The following SCAF8 variants were observed in gnomAD, a reference collection of about 807,000 sequenced individuals.
SCAF8 encodes SR-related and CTD-associated factor 8.
SCAF8 carries 23 observed loss-of-function variants against 140.5 expected under a neutral mutation model. That is an observed-to-expected ratio of 0.16 (90% confidence interval 0.12 to 0.23). SCAF8 has a LOEUF of 0.23. Ranked by LOEUF, SCAF8 falls within the 10% of genes least tolerant of loss-of-function variation. SCAF8 has a pLI of 1.00. For synonymous variants in SCAF8, 575 were observed against 528.9 expected (o/e 1.09, Z -1.20); for missense variants, 1,397 against 1,555.7 (o/e 0.90, Z 1.72).
chr6:154,781,179 CTATACACCAACAA>C (rs1380453352), intron 3 of SCAF8, among the ~76,000 whole-genome samples: 2 of 152,056 alleles, frequency 1.3e-5, no homozygotes, highest in Admixed American at 1.3e-4. Flanking sequence ...ACAAGCATTC[CTATACACCAACAA>C]TATACACCAA....
intron 16 of SCAF8, among the ~76,000 whole-genome samples, chr6:154,823,094 A>G (rs1778466389): frequency 6.6e-6 from 1 of 152,198 alleles, no homozygotes; most frequent in African/African-American, 2.4e-5. Context: ...AGAGGCAACA[A>G]CCAGTGCAAA....
At chr6:154,791,986 G>T (rs1455933246) in intron 4 of SCAF8, among the ~76,000 whole-genome samples, 1 of 151,834 alleles carries the variant, frequency 6.6e-6, no homozygotes, top group East Asian at 1.9e-4. Flanking sequence ...CTTGCCAGTG[G>T]CAAGCAGGTT....
intron 12 of SCAF8, among the ~76,000 whole-genome samples, chr6:154,814,929 A>G (rs1208366256): frequency 1.3e-5 from 2 of 152,186 alleles, no homozygotes; most frequent in African/African-American, 4.8e-5. Flanking sequence ...CCTTAAGGAT[A>G]AGATGCTGTT....
intron 18 of SCAF8, among the ~76,000 whole-genome samples, chr6:154,828,583 T>C (rs554117772): frequency 2.0e-5 from 3 of 152,284 alleles, no homozygotes; most frequent in African/African-American, 7.2e-5. Flanking sequence ...GTTGCCTCCC[T>C]GTCACATTAG....
At position 154,756,242 on chromosome 6, in the gene SCAF8, AGTT is replaced by A. The variant is rs549831108; in HGVS notation, c.31-17746_31-17744del. ...ATAACAAAGATGCTCCGTCACCAAT[AGTT>A]AAGTTTAATACATATATTTTGAATT... On this transcript the variant is annotated intron_variant, in intron 1 of 19. Transcript: ENST00000367178. 1.2e-4 allele frequency among the ~76,000 whole-genome samples: 18 copies of A among 152,334 alleles called. No homozygotes were observed. The South Asian group carries it at 3.7e-3, about 32-fold the overall frequency.
chr6:154,807,461 A>G (rs1397949751), intron 9 of SCAF8, among the ~76,000 whole-genome samples: 1 of 151,838 alleles, frequency 6.6e-6, no homozygotes, highest in Non-Finnish European at 1.5e-5. Context: ...GCTCACTGCT[A>G]CCTCCGCCTC....
At chr6:154,734,047 T>C in intron 1 of SCAF8, 117 bp downstream of exon 1, 6 of 1,385,172 alleles carry the variant, frequency 4.3e-6, no homozygotes, top group Non-Finnish European at 5.6e-6. Flanking sequence ...GGGTGAGCGG[T>C]GGCCTAGCAG....
In SCAF8 at chr6:154,808,200, A is replaced by G. The variant is rs1453131654; in HGVS notation, c.1112A>G (p.Gln371Arg). Reference protein sequence around the residue: ...NLDDSIDIQQQDMDIDEGQDG... With the variant: ...NLDDSIDIQQRDMDIDEGQDG... Reference sequence around the variant, plus strand: ...GATGATTCCATAGATATTCAGCAACAGGTAAAAGTAAATGTTTTTCTGGGT... The same window carrying G: ...GATGATTCCATAGATATTCAGCAACGGGTAAAAGTAAATGTTTTTCTGGGT... Residue 371 changes from glutamine to arginine, a missense_variant and splice_region_variant, in exon 10 of 20, where the codon CAG becomes CGG. Gln to Arg is a conservative substitution (Grantham distance 43). Around this residue, in one of 5 missense-constraint regions of SCAF8, gnomAD observed 339 missense variants for 407.5 expected, o/e 0.83. Coordinates refer to ENST00000367178, the MANE Select transcript of SCAF8 (RefSeq NM_014892.5). 1 of 1,609,608 alleles carries G rather than the reference A, an allele frequency of 6.2e-7. No individual in the cohort carries two copies. Among genetic ancestry groups the G allele is most frequent in the Non-Finnish European group, 8.5e-7 (1 of 1,178,586 alleles).
chr6:154,758,709 C>G (rs566488130), intron 1 of SCAF8, among the ~76,000 whole-genome samples: 5 of 152,274 alleles, frequency 3.3e-5, no homozygotes, highest in Admixed American at 3.3e-4. Context: ...TCCCACCCCT[C>G]TTCTTTGGAT....
intron 1 of SCAF8, among the ~76,000 whole-genome samples, chr6:154,759,853 G>A (rs931066107): frequency 6.6e-6 from 1 of 151,978 alleles, no homozygotes; most frequent in African/African-American, 2.4e-5. Flanking sequence ...TTTTTTAGTA[G>A]AGATGGGGTT....
intron 4 of SCAF8, among the ~76,000 whole-genome samples, chr6:154,789,072 G>GA (rs1218322364): frequency 6.6e-6 from 1 of 151,994 alleles, no homozygotes; most frequent in Non-Finnish European, 1.5e-5. Context: ...TCTTGAATCA[G>GA]AAAAAAATCT....
rs1778767576 is a variant in SCAF8 at position 154,832,272 on chromosome 6, G to C, written c.2693G>C (p.Gly898Ala). 6.2e-7 allele frequency: 1 copy of C among 1,613,966 alleles called. No homozygotes were observed. Among genetic ancestry groups the C allele is most frequent in the African/African-American group, 1.3e-5 (1 of 74,880 alleles). The change falls in exon 20 of 20, where the codon GGA (glycine) becomes GCA (alanine). Residue 898 changes from glycine (G) to alanine (A), a missense_variant. Gly to Ala is a moderately conservative substitution (Grantham distance 60). Transcript: ENST00000367178. Reference sequence around the variant, plus strand: ...GTTCCAAATACTCCTGGACTTCTGGGAACACAGCCACCAGCTGGACCTCAA... The same window carrying C: ...GTTCCAAATACTCCTGGACTTCTGGCAACACAGCCACCAGCTGGACCTCAA... ...PNVPNTPGLL[G>A]TQPPAGPQNL...
At chr6:154,816,746 C>T (rs921727353) in intron 13 of SCAF8, among the ~76,000 whole-genome samples, 1 of 152,144 alleles carries the variant, frequency 6.6e-6, no homozygotes, top group Admixed American at 6.5e-5. Context: ...TCCCAGTCTT[C>T]CTTAAATGGC....
chr6:154,776,178 A>G (rs1253823112), intron 2 of SCAF8, among the ~76,000 whole-genome samples: 1 of 151,750 alleles, frequency 6.6e-6, no homozygotes, highest in African/African-American at 2.4e-5. Flanking sequence ...ATCACACATT[A>G]TACTTATTTG....
At chr6:154,735,124 C>CA (rs539040149) in intron 1 of SCAF8, among the ~76,000 whole-genome samples, 3,965 of 68,534 alleles carry the variant, frequency 0.058, 131 homozygotes, top group African/African-American at 0.16. Context: ...ACTCTGTCTA[C>CA]AAAAAAAAAA....
chr6:154,814,141 G>A (rs562228725), intron 12 of SCAF8, among the ~76,000 whole-genome samples: 5 of 152,354 alleles, frequency 3.3e-5, no homozygotes, highest in Admixed American at 2.6e-4. Flanking sequence ...GGGCAACGTG[G>A]TGAAACCACA....
At chr6:154,816,515 G>GTCT (rs1562461413) in intron 13 of SCAF8, among the ~76,000 whole-genome samples, 1 of 151,982 alleles carries the variant, frequency 6.6e-6, no homozygotes, top group African/African-American at 2.4e-5. Context: ...ATTACGTGCT[G>GTCT]TCTTTCTTCC....
At chr6:154,757,799 T>G (rs1779003089) in intron 1 of SCAF8, among the ~76,000 whole-genome samples, 1 of 152,200 alleles carries the variant, frequency 6.6e-6, no homozygotes, top group South Asian at 2.1e-4. Flanking sequence ...ATAACTGCTT[T>G]AAAATGTTTG....
intron 15 of SCAF8, among the ~76,000 whole-genome samples, chr6:154,821,500 A>C (rs1418601820): frequency 2.6e-5 from 4 of 152,198 alleles, no homozygotes; most frequent in Non-Finnish European, 5.9e-5. Flanking sequence ...ACTATATAGT[A>C]CTTTAGTGTC....
Sources: allele counts gnomAD v4.1 joint callset (sites outside exome capture counted in the v4.1 genomes callset), GRCh38; gene constraint gnomAD v4.1.1; regional missense constraint gnomAD v4.1.1; transcripts MANE v1.5; gene names NCBI Gene and HGNC (gene_info 2026-07-23, HGNC 2026-07-21).